Variants in RABGAP1L observed in about 807,000 individuals in gnomAD.
The protein encoded by RABGAP1L is rab GTPase-activating protein 1-like.
RABGAP1L carries 63 observed loss-of-function variants against 137.7 expected under a neutral mutation model. The observed-to-expected ratio is 0.46, with a 90% confidence interval of 0.37 to 0.56. The LOEUF is 0.56. Among genes scored for constraint, RABGAP1L ranks in the 20% least tolerant of loss-of-function variants. The pLI, the probability that RABGAP1L is intolerant of heterozygous loss-of-function variation, is 0.00. For synonymous variants in RABGAP1L, 431 were observed against 433.7 expected, an observed-to-expected ratio of 0.99 and a Z score of 0.08; for missense variants, 1,095 against 1,244.0, an observed-to-expected ratio of 0.88 and a Z score of 1.80.
At chr1:174,476,273 TATTA>T (rs1410434670) in intron 13 of RABGAP1L, among the ~76,000 whole-genome samples, 2 of 152,202 alleles carry the variant, frequency 1.3e-5, no homozygotes, top group Admixed American at 1.3e-4. Context: ...ATTTTAATTG[TATTA>T]ATTTTGTTAA....
chr1:174,823,198 A>G (rs1691223356), intron 19 of RABGAP1L, among the ~76,000 whole-genome samples: 1 of 152,154 alleles, frequency 6.6e-6, no homozygotes. Context: ...CAGTCTTATA[A>G]TGGATCAAAA....
intron 13 of RABGAP1L, among the ~76,000 whole-genome samples, chr1:174,480,470 C>T (rs1658968123): frequency 6.6e-6 from 1 of 152,212 alleles, no homozygotes; most frequent in African/African-American, 2.4e-5. Flanking sequence ...AAGCAAACTG[C>T]AGTGCAATCA....
chr1:174,673,294 T>G (rs1677325502), intron 14 of RABGAP1L, among the ~76,000 whole-genome samples: 1 of 152,218 alleles, frequency 6.6e-6, no homozygotes, highest in Non-Finnish European at 1.5e-5. Flanking sequence ...ACGATTCCCA[T>G]GATCTAATTT....
intron 13 of RABGAP1L, among the ~76,000 whole-genome samples, chr1:174,551,021 T>TATATATATATATATAC (rs1553330343): frequency 9.8e-5 from 12 of 122,792 alleles, no homozygotes; most frequent in African/African-American, 4.2e-4. Flanking sequence ...TATATATATA[T>TATATATATATATATAC]ACATACACAC....
At chr1:174,532,793 C>A (rs1445934169) in intron 13 of RABGAP1L, among the ~76,000 whole-genome samples, 1 of 152,088 alleles carries the variant, frequency 6.6e-6, no homozygotes, top group East Asian at 1.9e-4. Context: ...AGGAGTTAAT[C>A]ACAGATATAT....
chr1:174,689,739 G>C (rs928792694), intron 15 of RABGAP1L, among the ~76,000 whole-genome samples: 13 of 152,096 alleles, frequency 8.5e-5, no homozygotes, highest in Admixed American at 6.6e-5. Context: ...GTTGGACTTT[G>C]GCCTGGTTGG....
Position 174,761,699 on chromosome 1 carries a change from G to A in RABGAP1L, c.2211+9345G>A, listed in dbSNP as rs547526410. ...CACTTCCCAGACGGTGGAAACTCCC[G>A]TTTTTAAAACATCAGATCTCATGAG... is the stretch of plus-strand genomic sequence containing the variant. On this transcript the variant is annotated intron_variant, in intron 18 of 25. Coordinates refer to ENST00000681986, the MANE Select transcript of RABGAP1L (RefSeq NM_001366446.1). This position sits in a 1 kb window ranked among gnomAD's most constrained non-coding sequence, Gnocchi z 4.0. Among the ~76,000 whole-genome samples the A allele has an allele frequency of 2.6e-5, 4 of 152,244 alleles. No individual in the cohort carries two copies. The highest frequency in any genetic ancestry group is 2.1e-4 in the South Asian group (1 of 4,820).
chr1:174,650,232 T>G (rs1675352521), intron 14 of RABGAP1L, among the ~76,000 whole-genome samples: 1 of 152,148 alleles, frequency 6.6e-6, no homozygotes, highest in Non-Finnish European at 1.5e-5. Flanking sequence ...TTGATTCGGT[T>G]TGCCAGTATT....
chr1:174,957,464 C>T lies in RABGAP1L; in HGVS notation c.2348C>T (p.Thr783Ile). 6.2e-7 allele frequency: 1 copy of T among 1,613,106 alleles called. No homozygotes were observed. The highest frequency in any genetic ancestry group is 8.5e-7 in the Non-Finnish European group (1 of 1,179,188). Reference protein sequence around the residue: ...MEQACNIKVPTKKLKKYEKEY... With the variant: ...MEQACNIKVPIKKLKKYEKEY... ...TTCCTCAAATCCCTGCAGGTACCAA[C>T]CAAGAAGCTGAAGAAATATGAGAAA... is the stretch of plus-strand genomic sequence containing the variant. Residue 783 changes from threonine to isoleucine, a missense_variant, in exon 20 of 26, where the codon ACC becomes ATC. Thr to Ile is a moderately conservative substitution (Grantham distance 89). This residue lies in a region of RABGAP1L where 312 missense variants were observed against 435.6 expected (regional missense o/e 0.72). Coordinates refer to ENST00000681986, the MANE Select transcript of RABGAP1L (RefSeq NM_001366446.1).
At chr1:174,280,771 C>T (rs540801743) in intron 10 of RABGAP1L, among the ~76,000 whole-genome samples, 1 of 152,254 alleles carries the variant, frequency 6.6e-6, no homozygotes, top group South Asian at 2.1e-4. Context: ...AGAGAAAGTC[C>T]TTTTGTGTCC....
chr1:174,403,231 GTGTGTGTGTGTGTGTGTATA>G (rs1318043885), intron 13 of RABGAP1L, among the ~76,000 whole-genome samples: 4 of 126,508 alleles, frequency 3.2e-5, no homozygotes, highest in African/African-American at 1.2e-4. Context: ...GTGTGTGTGT[GTGTGTGTGTGTGTGTGTATA>G]TATATGTGTA....
At chr1:174,637,026 A>G (rs1674105618) in intron 13 of RABGAP1L, among the ~76,000 whole-genome samples, 1 of 152,208 alleles carries the variant, frequency 6.6e-6, no homozygotes, top group Admixed American at 6.5e-5. Flanking sequence ...AACTATATGT[A>G]CATGTCTTGA....
At chr1:174,597,141 G>C (rs1557881354) in intron 13 of RABGAP1L, among the ~76,000 whole-genome samples, 1 of 151,924 alleles carries the variant, frequency 6.6e-6, no homozygotes, top group Non-Finnish European at 1.5e-5. Flanking sequence ...AGGATTTTTT[G>C]TATCAATGTT....
intron 19 of RABGAP1L, among the ~76,000 whole-genome samples, chr1:174,913,106 G>C (rs1660313948): frequency 6.6e-6 from 1 of 152,010 alleles, no homozygotes; most frequent in African/African-American, 2.4e-5. Context: ...CTCCCGAGTA[G>C]CTGGGATTAC....
chr1:174,175,440 C>CA (rs1440787603), intron 1 of RABGAP1L, among the ~76,000 whole-genome samples: 1 of 151,484 alleles, frequency 6.6e-6, no homozygotes, highest in Non-Finnish European at 1.5e-5. Context: ...ATACTAATCA[C>CA]ATTGTATTGC....
At chr1:174,168,549 T>C (rs1170372518) in intron 1 of RABGAP1L, among the ~76,000 whole-genome samples, 2 of 152,176 alleles carry the variant, frequency 1.3e-5, no homozygotes, top group Non-Finnish European at 2.9e-5. Context: ...TTTGGACTAA[T>C]GTTTTGATTT....
Position 174,203,422 on chromosome 1 carries a change from T to C in RABGAP1L, c.-33-15703T>C, listed in dbSNP as rs144799046. On this transcript the variant is annotated intron_variant, in intron 1 of 25. Coordinates refer to ENST00000681986, the MANE Select transcript of RABGAP1L (RefSeq NM_001366446.1). ...GTCAAAGATCAGATGGTTGTAGGTG[T>C]GTGGCCTTATTTCTGGGCTCTCTAT... Among the ~76,000 whole-genome samples, 49 of 152,344 alleles carry C rather than the reference T, an allele frequency of 3.2e-4. 1 individual carries two copies. In the East Asian group the frequency reaches 8.3e-3, roughly 26 times the overall value.
intron 14 of RABGAP1L, among the ~76,000 whole-genome samples, chr1:174,645,279 G>T (rs1290930636): frequency 1.3e-5 from 2 of 151,942 alleles, no homozygotes; most frequent in Non-Finnish European, 2.9e-5. Flanking sequence ...GGATATGTGT[G>T]CAGAGCATGC....
At chr1:174,703,674 CAT>C (rs1679835508) in intron 17 of RABGAP1L, among the ~76,000 whole-genome samples, 1 of 152,096 alleles carries the variant, frequency 6.6e-6, no homozygotes, top group African/African-American at 2.4e-5. Context: ...TACTGTTTTC[CAT>C]AGAGGTTATA....
Sources: allele counts gnomAD v4.1 joint callset (sites outside exome capture counted in the v4.1 genomes callset), GRCh38; gene constraint gnomAD v4.1.1; regional missense constraint gnomAD v4.1.1; non-coding constraint Gnocchi (gnomAD v3.1); transcripts MANE v1.5; gene names NCBI Gene and HGNC (gene_info 2026-07-23, HGNC 2026-07-21).